The following RNF185 variants were observed in gnomAD, a reference collection of about 807,000 sequenced individuals.
The protein encoded by RNF185 is ring finger protein 185.
RNF185 carries 13 observed loss-of-function variants against 24.9 expected under a neutral mutation model. The observed-to-expected ratio is 0.52, with a 90% CI of 0.34 to 0.83. The LOEUF (loss-of-function observed/expected upper bound fraction) is 0.83, where lower values mean the gene tolerates loss of function less well. Among genes scored for constraint, RNF185 ranks in the 40% least tolerant of loss-of-function variants. The probability of loss-of-function intolerance (pLI) is 0.01; values close to 1 mark genes in which losing one functional copy is unlikely to be tolerated. For synonymous variants in RNF185, 79 were observed against 90.3 expected (o/e 0.88, Z 0.71); for missense variants, 184 against 244.7 (o/e 0.75, Z 1.65).
chr22:31,194,313 A>G (rs1287626546), intron 3 of RNF185, among the ~76,000 whole-genome samples: 1 of 152,244 alleles, frequency 6.6e-6, no homozygotes, highest in Non-Finnish European at 1.5e-5. Context: ...CACAAAAAGC[A>G]TTAAGCAAAT....
chr22:31,189,762 A>T (rs1484367301), intron 2 of RNF185, among the ~76,000 whole-genome samples: 2 of 51,936 alleles, frequency 3.9e-5, no homozygotes, highest in Admixed American at 3.5e-4. Context: ...CACCCAGCTA[A>T]TTTTTGTATT....
At chr22:31,175,284 T>TACAA (rs560864880) in intron 1 of RNF185, among the ~76,000 whole-genome samples, 29 of 151,454 alleles carry the variant, frequency 1.9e-4, no homozygotes, top group African/African-American at 5.3e-4. Context: ...ACCCCATCTC[T>TACAA]ACAAACAAAC....
rs1050842065 is a variant in RNF185 at position 31,189,280 on chromosome 22, C to CTTTTTTTTT, written c.176+2029_176+2037dup. 8.5e-4 allele frequency among the ~76,000 whole-genome samples: 52 copies of CTTTTTTTTT among 61,536 alleles called. 12 individuals are homozygous for CTTTTTTTTT. The highest frequency in any genetic ancestry group is 2.3e-3 in the East Asian group (4 of 1,718). The allele number at this position is 61,536 out of a possible 152,430, so 40.4% of individuals were successfully genotyped here. On this transcript the variant is annotated intron_variant, in intron 2 of 6. Coordinates refer to ENST00000326132, the MANE Select transcript of RNF185 (RefSeq NM_152267.4). ...ATTTAAATGTACAGCTGTTGTATAT[C>CTTTTTTTTT]TTTTTTTTTTTTTTTTTTTTTTTTT... is the stretch of plus-strand genomic sequence containing the variant.
At chr22:31,190,985 T>C (rs2048150606) in intron 2 of RNF185, among the ~76,000 whole-genome samples, 1 of 152,256 alleles carries the variant, frequency 6.6e-6, no homozygotes, top group Non-Finnish European at 1.5e-5. Flanking sequence ...TTCAGGTTTG[T>C]AGCTTAGGAG....
At chr22:31,200,755 C>G (rs183789462) in intron 5 of RNF185, among the ~76,000 whole-genome samples, 4 of 152,262 alleles carry the variant, frequency 2.6e-5, no homozygotes, top group Admixed American at 6.5e-5. Context: ...CTGACTCTGT[C>G]AATTATTTCT....
At chr22:31,177,811 T>A (rs1161781414) in intron 1 of RNF185, among the ~76,000 whole-genome samples, 1 of 152,208 alleles carries the variant, frequency 6.6e-6, no homozygotes, top group Admixed American at 6.5e-5. Flanking sequence ...TAGAAATTCT[T>A]GGAGTTAAAG....
At chr22:31,204,300 GC>G (rs1300755887) in intron 6 of RNF185, among the ~76,000 whole-genome samples, 188 bp from the exon 7 acceptor site, 10 of 151,446 alleles carry the variant, frequency 6.6e-5, no homozygotes, top group Admixed American at 3.3e-4. Context: ...CTGAGATCGT[GC>G]CACTGCACTC....
intron 2 of RNF185, among the ~76,000 whole-genome samples, chr22:31,189,135 A>ATATG (rs368967009): frequency 0.11 from 15,423 of 136,832 alleles, 1,662 homozygotes; most frequent in African/African-American, 0.28. Flanking sequence ...CAAAAAAAAA[A>ATATG]TGTGTGTGTG....
Position 31,160,260 on chromosome 22 carries a change from C to G in RNF185, c.-92C>G, listed in dbSNP as rs890736227. The G allele has an allele frequency of 6.7e-6, 1 of 148,992 alleles. No individual in the cohort carries two copies. Among genetic ancestry groups the G allele is most frequent in the African/African-American group, 2.5e-5 (1 of 39,984 alleles). The allele number at this position is 148,992 out of a possible 1,614,324, so 9.2% of individuals were successfully genotyped here. A position where few individuals can be genotyped will look rare whatever the true frequency, so the allele number is the denominator to read the frequency against. On this transcript the variant is annotated 5_prime_UTR_variant, in exon 1 of 7. Transcript: ENST00000326132. ...GCGGCGTTAGTATTGGCCGTGTACC[C>G]GAAAAACTGATTGACTGGGCTGGCG...
intron 4 of RNF185, 53 bp downstream of exon 4, chr22:31,195,634 A>C (rs1338255313): frequency 8.6e-7 from 1 of 1,162,004 alleles, no homozygotes. Context: ...ATGTGAATTC[A>C]CTCCCATTCA....
At chr22:31,171,001 C>T (rs977397378) in intron 1 of RNF185, among the ~76,000 whole-genome samples, 1 of 151,956 alleles carries the variant, frequency 6.6e-6, no homozygotes, top group South Asian at 2.1e-4. Context: ...GGAGTGGATC[C>T]TGGGCAAAGC....
At chr22:31,188,116 G>A (rs2048118060) in intron 2 of RNF185, among the ~76,000 whole-genome samples, 5 of 152,174 alleles carry the variant, frequency 3.3e-5, no homozygotes, top group Non-Finnish European at 5.9e-5. Flanking sequence ...CACTCTGGAT[G>A]AGGGTCTGGG....
At chr22:31,160,480 G>A (rs888480494) in intron 1 of RNF185, among the ~76,000 whole-genome samples, 177 bp downstream of exon 1, 3 of 152,164 alleles carry the variant, frequency 2.0e-5, no homozygotes, top group African/African-American at 7.2e-5. Context: ...GTGGTTCTGC[G>A]TCCCATGAAT....
chr22:31,167,306 T>G (rs1479428962), intron 1 of RNF185, among the ~76,000 whole-genome samples: 1 of 152,160 alleles, frequency 6.6e-6, no homozygotes, highest in East Asian at 1.9e-4. Context: ...GTGCTGGAAT[T>G]ACAGCAGTGA....
At chr22:31,191,717 A>T (rs989274586) in intron 2 of RNF185, among the ~76,000 whole-genome samples, 3 of 151,632 alleles carry the variant, frequency 2.0e-5, no homozygotes, top group African/African-American at 7.3e-5. Context: ...CTATAATCCC[A>T]GCTACTCAGG....
rs371474194 is a variant in RNF185, at chr22:31,201,651, T to C, written c.481+36T>C. The C allele has an allele frequency of 2.1e-5, 31 of 1,449,646 alleles. No individual in the cohort carries two copies. The African/African-American group carries it at 3.5e-4, about 16-fold the overall frequency. The allele number at this position is 1,449,646 out of a possible 1,614,324, so 89.8% of individuals were successfully genotyped here. A position where few individuals can be genotyped will look rare whatever the true frequency, so the allele number is the denominator to read the frequency against. On this transcript the variant is annotated intron_variant, in intron 6 of 6. Coordinates refer to ENST00000326132, the MANE Select transcript of RNF185 (RefSeq NM_152267.4). Reference sequence around the variant, plus strand: ...ATTTCCTTGAGAAATTAGGAAGATATCTTAGTAATATTGCTTGAAAGCTCC... The same window carrying C: ...ATTTCCTTGAGAAATTAGGAAGATACCTTAGTAATATTGCTTGAAAGCTCC...
intron 6 of RNF185, among the ~76,000 whole-genome samples, chr22:31,203,764 G>A (rs935795706): frequency 6.6e-6 from 1 of 152,060 alleles, no homozygotes; most frequent in Admixed American, 6.5e-5. Context: ...GGCTGGGCGC[G>A]ATGGCTCATG....
intron 1 of RNF185, among the ~76,000 whole-genome samples, chr22:31,184,049 C>T (rs1447959632): frequency 2.7e-5 from 4 of 150,306 alleles, no homozygotes; most frequent in South Asian, 2.1e-4. Flanking sequence ...GGCGGCTGGC[C>T]GGTCGGGGGC....
chr22:31,192,984 A>C (rs1568970508), intron 3 of RNF185, among the ~76,000 whole-genome samples: 1 of 152,174 alleles, frequency 6.6e-6, no homozygotes, highest in Admixed American at 6.5e-5. Flanking sequence ...TATTTTTGAG[A>C]TTCTGCTTCT....
Sources: allele counts gnomAD v4.1 joint callset (sites outside exome capture counted in the v4.1 genomes callset), GRCh38; gene constraint gnomAD v4.1.1; transcripts MANE v1.5; gene names NCBI Gene and HGNC (gene_info 2026-07-23, HGNC 2026-07-21).